ZNF277: variants seen among roughly 807,000 people sequenced by gnomAD.
ZNF277 encodes the protein nuclear receptor-interacting factor 4.
Under a neutral mutation model 60.7 loss-of-function variants are expected in ZNF277, and 55 were observed. The observed-to-expected ratio is 0.91, with a 90% confidence interval of 0.73 to 1.13. The LOEUF is 1.13. Ranked by LOEUF, ZNF277 falls within the 50% of genes most tolerant of loss-of-function variation. The pLI, the probability that ZNF277 is intolerant of heterozygous loss-of-function variation, is 0.00. For synonymous variants in ZNF277, 178 were observed against 179.3 expected (o/e 0.99, Z 0.06); for missense variants, 510 against 523.0 (o/e 0.98, Z 0.24).
At chr7:112,333,000 G>C (rs1024388688) in intron 7 of ZNF277, among the ~76,000 whole-genome samples, 1 of 152,012 alleles carries the variant, frequency 6.6e-6, no homozygotes, top group African/African-American at 2.4e-5. Flanking sequence ...TATAGGTAGA[G>C]AAAAATAAAG....
At chr7:112,286,623 G>A (rs1348057041) in intron 1 of ZNF277, among the ~76,000 whole-genome samples, 1 of 152,066 alleles carries the variant, frequency 6.6e-6, no homozygotes, top group Non-Finnish European at 1.5e-5. Context: ...TGACAAATGG[G>A]TTTCCCCCAT....
At chr7:112,231,570 T>C (rs1467972941) in intron 1 of ZNF277, among the ~76,000 whole-genome samples, 2 of 152,126 alleles carry the variant, frequency 1.3e-5, no homozygotes, top group African/African-American at 4.8e-5. Context: ...TGGGTTGCAA[T>C]TTTTCAGGTT....
chr7:112,218,437 A>G (rs147477034), intron 1 of ZNF277, among the ~76,000 whole-genome samples: 1 of 152,356 alleles, frequency 6.6e-6, no homozygotes, highest in Non-Finnish European at 1.5e-5. Context: ...AATGGCTAAA[A>G]TAAGCTAATT....
At position 112,337,836 on chromosome 7, in the gene ZNF277, C is replaced by T; in HGVS notation, c.966+10C>T. 1 of 1,602,920 alleles carries T rather than the reference C, an allele frequency of 6.2e-7. No homozygotes were observed. Among genetic ancestry groups the T allele is most frequent in the Non-Finnish European group, 8.5e-7 (1 of 1,174,608 alleles). On this transcript the variant is annotated intron_variant, in intron 9 of 11. Coordinates refer to ENST00000361822, the MANE Select transcript of ZNF277 (RefSeq NM_021994.3). ...GTATGTCCACATGGAGGTAAGATACCTGTATTTATTTGAATTTTGTTTTAT... is the reference window on the plus strand; with the variant it reads ...GTATGTCCACATGGAGGTAAGATACTTGTATTTATTTGAATTTTGTTTTAT...
At chr7:112,309,037 G>A (rs551226628) in intron 4 of ZNF277, among the ~76,000 whole-genome samples, 10 of 151,982 alleles carry the variant, frequency 6.6e-5, no homozygotes, top group African/African-American at 4.8e-5. Context: ...TTTCCCCCAG[G>A]TATAAGAGAG....
chr7:112,316,053 C>A (rs1792837485), intron 4 of ZNF277, among the ~76,000 whole-genome samples: 2 of 152,096 alleles, frequency 1.3e-5, no homozygotes, highest in Admixed American at 1.3e-4. Context: ...AAAATAGCAC[C>A]AAATTTGGCA....
At chr7:112,292,594 T>A (rs1350575610) in intron 2 of ZNF277, among the ~76,000 whole-genome samples, 2 of 152,176 alleles carry the variant, frequency 1.3e-5, no homozygotes, top group Non-Finnish European at 2.9e-5. Flanking sequence ...GCCTTCCCTT[T>A]TCTGCATTTC....
chr7:112,305,510 A>G (rs1340108058), intron 4 of ZNF277, among the ~76,000 whole-genome samples: 1 of 151,798 alleles, frequency 6.6e-6, no homozygotes, highest in Non-Finnish European at 1.5e-5. Flanking sequence ...GGGGTAGGAA[A>G]GATTTAAACC....
At chr7:112,299,470 A>T (rs1280652832) in intron 4 of ZNF277, among the ~76,000 whole-genome samples, 1 of 152,190 alleles carries the variant, frequency 6.6e-6, no homozygotes, top group Non-Finnish European at 1.5e-5. Context: ...CTCATCATGC[A>T]TTGGAACTCG....
chr7:112,252,714 G>A (rs559604249), intron 1 of ZNF277, among the ~76,000 whole-genome samples: 3 of 152,244 alleles, frequency 2.0e-5, no homozygotes, highest in African/African-American at 7.2e-5. Flanking sequence ...TAGTAATGAA[G>A]TACCCTCATC....
chr7:112,240,668 A>G (rs1249118401), intron 1 of ZNF277, among the ~76,000 whole-genome samples: 1 of 152,138 alleles, frequency 6.6e-6, no homozygotes, highest in East Asian at 1.9e-4. Context: ...CATAAATAGA[A>G]TGGAACAGAA....
At chr7:112,250,186 G>A (rs1411686142) in intron 1 of ZNF277, among the ~76,000 whole-genome samples, 2 of 152,036 alleles carry the variant, frequency 1.3e-5, no homozygotes, top group African/African-American at 4.8e-5. Context: ...TCTTATGGTC[G>A]AGACTGCAGA....
chr7:112,298,321 A>G (rs1310296670), intron 4 of ZNF277, among the ~76,000 whole-genome samples: 3 of 152,148 alleles, frequency 2.0e-5, no homozygotes, highest in African/African-American at 7.2e-5. Flanking sequence ...AACAGTAATA[A>G]TGCTGTGTCT....
chr7:112,273,634 T>A (rs539865161), intron 1 of ZNF277, among the ~76,000 whole-genome samples: 1 of 152,184 alleles, frequency 6.6e-6, no homozygotes, highest in African/African-American at 2.4e-5. Flanking sequence ...TATTCAACCA[T>A]CTTGCTCCCT....
In ZNF277 at chr7:112,286,866, AT is replaced by A. The variant is rs759351333; in HGVS notation, c.92-5del. The A allele has an allele frequency of 1.9e-5, 17 of 913,576 alleles. No homozygotes were observed. The East Asian group carries it at 5.9e-4, about 32-fold the overall frequency. 56.6% of individuals were successfully genotyped at this position (913,576 alleles called of 1,614,324 possible). On this transcript the variant is annotated splice_polypyrimidine_tract_variant and splice_region_variant and intron_variant, in intron 1 of 11. Transcript: ENST00000361822. ...CTTTTTTTTTTTTTTTTTTTGGTCT[AT>A]TCCAGACAGTAAGGATTGTATCCTG...
chr7:112,279,724 G>GTA (rs1791897700), intron 1 of ZNF277, among the ~76,000 whole-genome samples: 1 of 151,990 alleles, frequency 6.6e-6, no homozygotes, highest in Admixed American at 6.6e-5. Flanking sequence ...CACGTATTTT[G>GTA]TATATATATT....
intron 1 of ZNF277, among the ~76,000 whole-genome samples, chr7:112,264,629 T>C (rs1230164312): frequency 4.6e-5 from 7 of 152,130 alleles, no homozygotes; most frequent in Non-Finnish European, 7.3e-5. Flanking sequence ...AGAAAGTATT[T>C]TTTGAAATTT....
chr7:112,342,805 G>A lies in ZNF277; in HGVS notation c.*76G>A, dbSNP rs1793471142. On this transcript the variant is annotated 3_prime_UTR_variant, in exon 12 of 12. Transcript: ENST00000361822. ...TTTCTCCTATGAGACAGATATGAAA[G>A]AACAATTTAAATTTGAACATCAACA... 15 of 1,194,520 alleles carry A rather than the reference G, an allele frequency of 1.3e-5. No homozygotes were observed. Among genetic ancestry groups the A allele is most frequent in the Non-Finnish European group, 1.6e-5 (15 of 911,750 alleles). 74.0% of individuals were successfully genotyped at this position (1,194,520 alleles called of 1,614,324 possible).
chr7:112,237,954 C>A (rs1027804468), intron 1 of ZNF277, among the ~76,000 whole-genome samples: 5 of 152,122 alleles, frequency 3.3e-5, no homozygotes, highest in African/African-American at 1.2e-4. Context: ...AATCCAACAG[C>A]ACATGAAAAA....
Sources: gnomAD v4.1 joint callset for allele counts (sites outside exome capture counted in the v4.1 genomes callset) on GRCh38, gnomAD v4.1.1 for gene constraint, MANE v1.5 for transcripts, NCBI Gene and HGNC (gene_info 2026-07-23, HGNC 2026-07-21) for gene names.